The following THSD7B variants were observed in gnomAD, a reference collection of about 807,000 sequenced individuals.
The protein encoded by THSD7B is thrombospondin type-1 domain-containing protein 7B.
Under a neutral mutation model 213.6 loss-of-function variants are expected in THSD7B, and 138 were observed. The observed-to-expected ratio is 0.65, with a 90% CI of 0.56 to 0.74. The LOEUF is 0.74. THSD7B is among the 30% of genes least tolerant of loss of function. The pLI, the probability that THSD7B is intolerant of heterozygous loss-of-function variation, is 0.00. For missense variants in THSD7B, 1,931 were observed against 1,991.5 expected (o/e 0.97, Z 0.58); for synonymous variants, 742 against 687.0 (o/e 1.08, Z -1.25).
intron 2 of THSD7B, among the ~76,000 whole-genome samples, chr2:136,969,954 A>G (rs906248810): frequency 4.6e-5 from 7 of 152,316 alleles, no homozygotes; most frequent in African/African-American, 1.7e-4. Context: ...ACCCAACCAC[A>G]TGCCTACAAA....
At chr2:136,779,257 C>T (rs1681680431) in intron 1 of THSD7B, among the ~76,000 whole-genome samples, 1 of 144,796 alleles carries the variant, frequency 6.9e-6, no homozygotes, top group South Asian at 2.2e-4. Context: ...TTTTTAATGT[C>T]AAGTCCTTGA....
intron 17 of THSD7B, among the ~76,000 whole-genome samples, chr2:137,586,164 C>CT (rs1681721636): frequency 1.3e-5 from 2 of 152,018 alleles, no homozygotes; most frequent in African/African-American, 4.8e-5. Flanking sequence ...CAACCCCTGC[C>CT]TTTTTTTGTT....
intron 10 of THSD7B, among the ~76,000 whole-genome samples, chr2:137,258,120 T>C (rs1325028374): frequency 1.3e-5 from 2 of 152,216 alleles, no homozygotes; most frequent in Admixed American, 6.5e-5. Flanking sequence ...TGTAGTAAAA[T>C]TATCCCCATT....
At chr2:137,292,306 A>G (rs535306642) in intron 12 of THSD7B, among the ~76,000 whole-genome samples, 5 of 152,176 alleles carry the variant, frequency 3.3e-5, no homozygotes, top group Non-Finnish European at 7.3e-5. Context: ...ACTTTTTTAG[A>G]GAATCATTTG....
chr2:137,645,154 A>G (rs1683007032), intron 21 of THSD7B, among the ~76,000 whole-genome samples: 1 of 152,124 alleles, frequency 6.6e-6, no homozygotes, highest in Non-Finnish European at 1.5e-5. Flanking sequence ...AGTAGTACCT[A>G]TTTCGCTGGT....
At chr2:136,870,822 G>A (rs1683420219) in intron 1 of THSD7B, among the ~76,000 whole-genome samples, 1 of 152,192 alleles carries the variant, frequency 6.6e-6, no homozygotes, top group African/African-American at 2.4e-5. Context: ...TCCTGTGATT[G>A]AAAGCCACTA....
At chr2:137,595,803 CAA>C (rs1308892787) in intron 17 of THSD7B, among the ~76,000 whole-genome samples, 1 of 151,586 alleles carries the variant, frequency 6.6e-6, no homozygotes, top group Non-Finnish European at 1.5e-5. Context: ...ATTAATCACA[CAA>C]AACTTTAAAA....
At chr2:137,592,642 C>T (rs1455239063) in intron 17 of THSD7B, among the ~76,000 whole-genome samples, 6 of 151,858 alleles carry the variant, frequency 4.0e-5, no homozygotes, top group African/African-American at 7.2e-5. Flanking sequence ...CTGTTATCCT[C>T]TGTATGGTTT....
Position 136,882,267 on chromosome 2 carries a change from A to T in THSD7B, c.89A>T (p.His30Leu). The T allele has an allele frequency of 6.5e-7, 1 of 1,545,178 alleles. No homozygotes were observed. Among genetic ancestry groups the T allele is most frequent in the East Asian group, 2.5e-5 (1 of 40,486 alleles). The change falls in exon 2 of 28, where the codon CAT (histidine) becomes CTT (leucine). Residue 30 changes from histidine to leucine, a missense_variant. Coordinates refer to ENST00000409968, the MANE Select transcript of THSD7B (RefSeq NM_001316349.2). ...CTATTGCTTTCTCTCTTGCTGTCCC[A>T]TGCAGCTCATTTGGAAGGCAAAAAG... Reference protein sequence around the residue: ...LFLLLSLLLSHAAHLEGKKDN... With the variant: ...LFLLLSLLLSLAAHLEGKKDN...
At chr2:137,426,215 G>C (rs1269575326) in intron 14 of THSD7B, among the ~76,000 whole-genome samples, 2 of 152,018 alleles carry the variant, frequency 1.3e-5, no homozygotes, top group African/African-American at 4.8e-5. Flanking sequence ...TTTGTTCATA[G>C]ATCAAAGTAA....
At chr2:137,590,411 C>A (rs1408687941) in intron 17 of THSD7B, among the ~76,000 whole-genome samples, 3 of 152,158 alleles carry the variant, frequency 2.0e-5, no homozygotes. Flanking sequence ...GTATAGCTGA[C>A]TATAATAATA....
chr2:136,837,605 T>G (rs909479741), intron 1 of THSD7B, among the ~76,000 whole-genome samples: 2 of 152,198 alleles, frequency 1.3e-5, no homozygotes, highest in South Asian at 4.1e-4. Flanking sequence ...TTATTTCACT[T>G]GTTTATTCAT....
At chr2:137,290,794 G>T (rs996353161) in intron 12 of THSD7B, among the ~76,000 whole-genome samples, 2 of 152,022 alleles carry the variant, frequency 1.3e-5, no homozygotes, top group African/African-American at 4.8e-5. Context: ...CATCTCCACT[G>T]ATCCATTAAC....
chr2:137,059,569 C>A (rs1476335752), intron 3 of THSD7B, among the ~76,000 whole-genome samples: 1 of 152,108 alleles, frequency 6.6e-6, no homozygotes, highest in East Asian at 1.9e-4. Flanking sequence ...AACTACTGAC[C>A]ATTTTACTGA....
chr2:137,675,165 C>G (rs549613043), intron 27 of THSD7B, among the ~76,000 whole-genome samples: 2 of 151,932 alleles, frequency 1.3e-5, no homozygotes, highest in East Asian at 3.9e-4. Context: ...CTACCAGGGG[C>G]TGAGAGCAGG....
At chr2:137,596,290 G>T (rs966281098) in intron 17 of THSD7B, among the ~76,000 whole-genome samples, 1 of 151,994 alleles carries the variant, frequency 6.6e-6, no homozygotes, top group Non-Finnish European at 1.5e-5. Flanking sequence ...TTAAATGGAG[G>T]CAGATAACAC....
intron 7 of THSD7B, among the ~76,000 whole-genome samples, chr2:137,216,840 A>G (rs1681257168): frequency 6.6e-6 from 1 of 152,300 alleles, no homozygotes; most frequent in Admixed American, 6.5e-5. Flanking sequence ...TGCCAATGCC[A>G]GTGCTCATAG....
At chr2:137,147,310 G>A (rs184664136) in intron 5 of THSD7B, among the ~76,000 whole-genome samples, 63 of 152,178 alleles carry the variant, frequency 4.1e-4, no homozygotes, top group Non-Finnish European at 5.7e-4. Flanking sequence ...AAAATTCTGC[G>A]GACTCTTGTT....
At chr2:136,817,874 A>G (rs866969627) in intron 1 of THSD7B, among the ~76,000 whole-genome samples, 19 of 149,814 alleles carry the variant, frequency 1.3e-4, no homozygotes, top group African/African-American at 3.4e-4. Flanking sequence ...TTAGAATGGC[A>G]ATCATTAAAA....
Sources: gnomAD v4.1 joint callset for allele counts (sites outside exome capture counted in the v4.1 genomes callset) on GRCh38, gnomAD v4.1.1 for gene constraint, MANE v1.5 for transcripts, NCBI Gene and HGNC (gene_info 2026-07-23, HGNC 2026-07-21) for gene names.